NOTO: variants seen among roughly 807,000 people sequenced by gnomAD.
The protein encoded by NOTO is notochord homeobox, also known as homeobox protein notochord.
A neutral mutation model predicts 20.5 loss-of-function variants in NOTO; 19 were observed. The observed-to-expected ratio is 0.93, with a 90% CI of 0.65 to 1.36. The LOEUF is 1.36. NOTO is among the 40% of genes most tolerant of loss of function. The pLI is 0.00. For synonymous variants in NOTO, 150 were observed against 150.2 expected, an observed-to-expected ratio of 1.00 and a Z score of 0.01; for missense variants, 369 against 336.2, an observed-to-expected ratio of 1.10 and a Z score of -0.76.
At position 73,202,867 on chromosome 2, in the gene NOTO, G is replaced by C. The variant is rs1005362968; in HGVS notation, c.201G>C (p.Gln67His). The change falls in exon 1 of 3, where the codon CAG becomes CAC. Residue 67 changes from glutamine to histidine, a missense_variant. By Grantham distance (24) the Gln-to-His change is conservative (BLOSUM62 0). Transcript: ENST00000398468. ...RPDPCAPAAS[Q>H]PSGSACVHPA... is the part of the protein sequence containing the mutation. ...ACCCCTGCGCGCCGGCGGCCTCCCA[G>C]CCGTCGGGCTCCGCCTGCGTCCACC... 1.3e-6 allele frequency: 2 copies of C among 1,526,574 alleles called. No homozygotes were observed. Among genetic ancestry groups the C allele is most frequent in the South Asian group, 2.4e-5 (2 of 83,138 alleles). The allele number at this position is 1,526,574 out of a possible 1,614,324, so 94.6% of individuals were successfully genotyped here.
rs886932628 is a variant in NOTO at position 73,203,075 on chromosome 2, G to C, written c.382+27G>C. 1.0e-5 allele frequency: 14 copies of C among 1,370,864 alleles called. No individual in the cohort carries two copies. The African/African-American group carries it at 2.0e-4, about 20-fold the overall frequency. The allele number at this position is 1,370,864 out of a possible 1,614,324, so 84.9% of individuals were successfully genotyped here. ...TACTGCGGTCCCGGCGCCCGCACGC[G>C]GGGGACTGGGCGGGGGCTGGAGAGC... On this transcript the variant is annotated intron_variant, in intron 1 of 2. Coordinates refer to ENST00000398468, the MANE Select transcript of NOTO (RefSeq NM_001134462.2).
chr2:73,205,272 G>A (rs573363836), intron 1 of NOTO, among the ~76,000 whole-genome samples: 2 of 152,282 alleles, frequency 1.3e-5, no homozygotes, highest in South Asian at 4.1e-4. Context: ...CTCACTTTGG[G>A]AGGCCAAGGC....
At chr2:73,210,082 CTAGGTGCACAGTGCACTTCAGATGTAAA>C (rs377269364) in intron 2 of NOTO, among the ~76,000 whole-genome samples, 169 of 152,326 alleles carry the variant, frequency 1.1e-3, no homozygotes, top group African/African-American at 3.9e-3. Context: ...CACACAGCAG[CTAGGTGCACAGTGCACTTCAGATGTAAA>C]TAGGATTATG....
At chr2:73,204,234 C>T (rs974011022) in intron 1 of NOTO, among the ~76,000 whole-genome samples, 18 of 152,186 alleles carry the variant, frequency 1.2e-4, no homozygotes, top group African/African-American at 3.6e-4. Context: ...GCCGAGATTG[C>T]GCCACTGCAC....
chr2:73,208,489 A>G lies in NOTO; in HGVS notation c.472A>G (p.Arg158Gly), dbSNP rs1301414003. The change falls in exon 2 of 3, where the codon AGA becomes GGA. Residue 158 changes from arginine to glycine, a missense_variant. By Grantham distance (125) the Arg-to-Gly change is moderately radical. Coordinates refer to ENST00000398468, the MANE Select transcript of NOTO (RefSeq NM_001134462.2). The part of the protein sequence containing the change: ...DLQDTERQQK[R>G]VRTMFNLEQL... Reference sequence around the variant, plus strand: ...ACAGGACACTGAGAGACAGCAAAAGAGAGTCCGAACTATGTTTAACTTGGA... The same window carrying G: ...ACAGGACACTGAGAGACAGCAAAAGGGAGTCCGAACTATGTTTAACTTGGA... The G allele has an allele frequency of 1.9e-6, 3 of 1,551,532 alleles. No individual in the cohort carries two copies. Among genetic ancestry groups the G allele is most frequent in the South Asian group, 2.4e-5 (2 of 84,064 alleles).
chr2:73,207,257 G>T (rs1390018021), intron 1 of NOTO, among the ~76,000 whole-genome samples: 1 of 152,086 alleles, frequency 6.6e-6, no homozygotes, highest in Non-Finnish European at 1.5e-5. Flanking sequence ...AGCCTAGTGG[G>T]CCCAGTGGTT....
At position 73,202,977 on chromosome 2, in the gene NOTO, G is replaced by T; in HGVS notation, c.311G>T (p.Ser104Ile). 6.6e-7 allele frequency: 1 copy of T among 1,504,918 alleles called. No homozygotes were observed. 93.2% of individuals were successfully genotyped at this position (1,504,918 alleles called of 1,614,324 possible). Residue 104 changes from serine to isoleucine, a missense_variant, in exon 1 of 3, where the codon AGC becomes ATC. Physicochemically the swap from Ser to Ile is moderately radical, Grantham distance 142. Transcript: ENST00000398468. ...ACATCGTGGCTGCCCGCCTACCTGA[G>T]CGTAGGTTTTTACCCTGTGCCAGGG... is the stretch of plus-strand genomic sequence containing the variant. The part of the protein sequence containing the change: ...CPTSWLPAYL[S>I]VGFYPVPGPR...
chr2:73,204,870 A>ATTTTTTTTTTTTTTTTT (rs763001329), intron 1 of NOTO, among the ~76,000 whole-genome samples: 2 of 93,012 alleles, frequency 2.2e-5, no homozygotes, highest in African/African-American at 6.0e-5. Context: ...TGCCCGGCTA[A>ATTTTTTTTTTTTTTTTT]TTTTTTTTAT....
chr2:73,206,117 G>C (rs1354479337), intron 1 of NOTO, among the ~76,000 whole-genome samples: 1 of 151,998 alleles, frequency 6.6e-6, no homozygotes, highest in Non-Finnish European at 1.5e-5. Context: ...CTAAATTTTT[G>C]TGGGTTTACC....
intron 1 of NOTO, among the ~76,000 whole-genome samples, chr2:73,204,344 C>G (rs1330609514): frequency 2.0e-5 from 3 of 152,170 alleles, no homozygotes; most frequent in Admixed American, 6.5e-5. Flanking sequence ...TAAACATCCA[C>G]CTACACGTGC....
intron 2 of NOTO, among the ~76,000 whole-genome samples, chr2:73,209,187 A>G (rs191076906): frequency 1.6e-4 from 25 of 152,010 alleles, no homozygotes; most frequent in African/African-American, 6.0e-4. Context: ...AAAAAAAAAA[A>G]AAAAAGAAGA....
intron 1 of NOTO, among the ~76,000 whole-genome samples, chr2:73,206,514 T>A (rs550881301): frequency 2.6e-5 from 4 of 152,082 alleles, no homozygotes; most frequent in Non-Finnish European, 4.4e-5. Flanking sequence ...AATTTTTGTA[T>A]TTTTTGTAGA....
rs1393978216 is a variant in NOTO at position 73,208,281 on chromosome 2, G to C, written c.383-119G>C. On this transcript the variant is annotated intron_variant, in intron 1 of 2. Transcript: ENST00000398468. ...TCTTGCACTGTTACCTGGCCAAGGG[G>C]AAGGCAAGGTAGCAGAGCTGTGTGT... 5 of 653,974 alleles carry C rather than the reference G, an allele frequency of 7.6e-6. No homozygotes were observed. The East Asian group carries it at 1.4e-4, about 18-fold the overall frequency. The allele number at this position is 653,974 out of a possible 1,614,324, so 40.5% of individuals were successfully genotyped here. A position where few individuals can be genotyped will look rare whatever the true frequency, so the allele number is the denominator to read the frequency against.
rs1466092660 is a variant in NOTO at position 73,210,981 on chromosome 2, G to A, written c.*52G>A. ...CTGCCTGGACTAGTTCCTCCTGGGG[G>A]TACCCACTGGAGCTCCCTGCCTCAC... On this transcript the variant is annotated 3_prime_UTR_variant, in exon 3 of 3. Transcript: ENST00000398468. 8 of 1,465,726 alleles carry A rather than the reference G, an allele frequency of 5.5e-6. No individual in the cohort carries two copies. Among genetic ancestry groups the A allele is most frequent in the Non-Finnish European group, 7.4e-6 (8 of 1,086,746 alleles). 90.8% of individuals were successfully genotyped at this position (1,465,726 alleles called of 1,614,324 possible).
intron 1 of NOTO, among the ~76,000 whole-genome samples, chr2:73,207,016 AACTCCTGACTTCAGGCTATCCGCC>A (rs1215722421): frequency 6.6e-6 from 1 of 151,792 alleles, no homozygotes; most frequent in Non-Finnish European, 1.5e-5. Flanking sequence ...GCTGGTCTTG[AACTCCTGACTTCAGGCTATCCGCC>A]TGCCTCAGCC....
chr2:73,209,312 T>G (rs1402896582), intron 2 of NOTO, among the ~76,000 whole-genome samples: 1 of 152,098 alleles, frequency 6.6e-6, no homozygotes, highest in Non-Finnish European at 1.5e-5. Flanking sequence ...GGCAAACTTC[T>G]CAACAACTTG....
At chr2:73,207,047 A>T (rs1475726452) in intron 1 of NOTO, among the ~76,000 whole-genome samples, 3 of 152,046 alleles carry the variant, frequency 2.0e-5, no homozygotes, top group Admixed American at 2.0e-4. Context: ...CGCCTGCCTC[A>T]GCCTCCCAAA....
At chr2:73,204,139 G>A (rs1262735580) in intron 1 of NOTO, among the ~76,000 whole-genome samples, 1 of 148,046 alleles carries the variant, frequency 6.8e-6, no homozygotes, top group African/African-American at 2.5e-5. Flanking sequence ...TTAGGAGGGC[G>A]TGGTGGCGCG....
At chr2:73,210,176 C>G (rs1686159622) in intron 2 of NOTO, among the ~76,000 whole-genome samples, 1 of 152,234 alleles carries the variant, frequency 6.6e-6, no homozygotes, top group Non-Finnish European at 1.5e-5. Flanking sequence ...CTTCCAGGTC[C>G]TGGGTGATCT....
Sources: allele counts gnomAD v4.1 joint callset (sites outside exome capture counted in the v4.1 genomes callset), GRCh38; gene constraint gnomAD v4.1.1; transcripts MANE v1.5; gene names NCBI Gene and HGNC (gene_info 2026-07-23, HGNC 2026-07-21).